The following RAD50 variants were observed in gnomAD, a reference collection of about 807,000 sequenced individuals.
RAD50 encodes RAD50 double strand break repair protein.
RAD50 carries 132 observed loss-of-function variants against 168.8 expected under a neutral mutation model. The ratio of observed to expected loss-of-function variants is 0.78; its 90% CI spans 0.68 to 0.90. The LOEUF (loss-of-function observed/expected upper bound fraction) is 0.90, where lower values mean the gene tolerates loss of function less well. Among genes scored for constraint, RAD50 ranks in the 40% least tolerant of loss-of-function variants. The probability of loss-of-function intolerance (pLI) is 0.00; values close to 1 mark genes in which losing one functional copy is unlikely to be tolerated. For synonymous variants in RAD50, 525 were observed against 497.4 expected, an observed-to-expected ratio of 1.06 and a Z score of -0.74; for missense variants, 1,347 against 1,534.4, an observed-to-expected ratio of 0.88 and a Z score of 2.04.
intron 21 of RAD50, among the ~76,000 whole-genome samples, chr5:132,621,417 C>A (rs1043971714): frequency 3.9e-5 from 6 of 152,186 alleles, no homozygotes; most frequent in Admixed American, 6.5e-5. Context: ...GTTTTTAAAT[C>A]ATCACAAATG....
chr5:132,601,819 C>A (rs1750893602), intron 13 of RAD50, among the ~76,000 whole-genome samples: 1 of 152,118 alleles, frequency 6.6e-6, no homozygotes, highest in African/African-American at 2.4e-5. Context: ...GAGTTCATGT[C>A]CCTTGCAGGG....
chr5:132,622,331 G>A (rs1490482121), intron 21 of RAD50, among the ~76,000 whole-genome samples: 1 of 151,812 alleles, frequency 6.6e-6, no homozygotes, highest in Admixed American at 6.6e-5. Flanking sequence ...GCTAATTTTT[G>A]TATTTTTATT....
At chr5:132,557,579 G>A (rs1047709458) in intron 1 of RAD50, 126 bp downstream of exon 1, 85 of 1,379,206 alleles carry the variant, frequency 6.2e-5, no homozygotes, top group Non-Finnish European at 2.9e-5. Flanking sequence ...GGCCCTTAAA[G>A]TGCCTTAGGG....
chr5:132,641,430 CCAGACAGTCCCTTTCTGG>C (rs2149866326), intron 24 of RAD50, among the ~76,000 whole-genome samples: 4 of 152,266 alleles, frequency 2.6e-5, no homozygotes, highest in Non-Finnish European at 5.9e-5. Context: ...ACTCCTGGCT[CCAGACAGTCCCTTTCTGG>C]CAGAGAGGGC....
At chr5:132,585,088 T>TA (rs1292947311) in intron 5 of RAD50, among the ~76,000 whole-genome samples, 2 of 152,210 alleles carry the variant, frequency 1.3e-5, no homozygotes, top group Middle Eastern at 3.2e-3. Context: ...CCCTCGAACT[T>TA]AAAGTATAAT....
chr5:132,596,548 A>G (rs1750795188), intron 13 of RAD50, among the ~76,000 whole-genome samples: 1 of 152,198 alleles, frequency 6.6e-6, no homozygotes, highest in African/African-American at 2.4e-5. Context: ...TCGGTTGTTT[A>G]TATTTTCCAT....
intron 21 of RAD50, among the ~76,000 whole-genome samples, chr5:132,631,448 G>T (rs142140636): frequency 6.7e-4 from 102 of 152,176 alleles, no homozygotes; most frequent in Non-Finnish European, 1.3e-3. Flanking sequence ...TTTTCACAAA[G>T]AAATCATACT....
chr5:132,587,874 A>G (rs1188702829), intron 6 of RAD50, 50 bp from the exon 7 acceptor site: 9 of 1,584,152 alleles, frequency 5.7e-6, no homozygotes, highest in Admixed American at 3.3e-5. Context: ...CAAAGTGATC[A>G]TATTTTCTTA....
At chr5:132,571,792 G>A (rs780959932) in intron 2 of RAD50, among the ~76,000 whole-genome samples, 9 of 152,206 alleles carry the variant, frequency 5.9e-5, no homozygotes, top group Non-Finnish European at 1.2e-4. Flanking sequence ...TGTCTGATGA[G>A]ATGCAGTAAA....
rs1203160075 is a variant in RAD50 at position 132,594,953 on chromosome 5, A to G, written c.1878A>G (p.Glu626=). ...AGGAAGAGCAGTTGTCCAGTTACGA[A>G]GACAAGCTGTTTGATGTTTGTGGTA... ...KRKEEQLSSY[E]DKLFDVCGSQ... is the part of the protein sequence containing the mutation. The change falls in exon 12 of 25, where the codon GAA becomes GAG. Residue 626 remains glutamate (E), a synonymous_variant. Transcript: ENST00000378823. The G allele has an allele frequency of 1.9e-6, 3 of 1,611,452 alleles. No homozygotes were observed.
chr5:132,570,097 G>A (rs1274849601), intron 2 of RAD50, among the ~76,000 whole-genome samples: 10 of 152,148 alleles, frequency 6.6e-5, no homozygotes, highest in Non-Finnish European at 1.3e-4. Flanking sequence ...GTCTTTCGTG[G>A]TAAAAACCCT....
intron 9 of RAD50, among the ~76,000 whole-genome samples, 162 bp from the exon 10 acceptor site, chr5:132,591,062 C>G (rs1175084885): frequency 6.6e-6 from 1 of 152,034 alleles, no homozygotes; most frequent in African/African-American, 2.4e-5. Flanking sequence ...TAAGATATAC[C>G]TTAGAGCATA....
In RAD50 at chr5:132,626,746, G is replaced by C. The variant is rs1581013953; in HGVS notation, c.3389+8452G>C. The stretch of plus-strand genomic sequence containing the variant: ...CGATTTAATTATTGTATCTAACTCT[G>C]TTTTAAAGGGCAAGTATTTATCAGA... On this transcript the variant is annotated intron_variant, in intron 21 of 24. Coordinates refer to ENST00000378823, the MANE Select transcript of RAD50 (RefSeq NM_005732.4). Among the ~76,000 whole-genome samples the C allele has an allele frequency of 3.8e-5, 4 of 104,138 alleles. No individual in the cohort carries two copies. In the South Asian group the frequency reaches 1.4e-3, roughly 36 times the overall value. The allele number at this position is 104,138 out of a possible 152,430, so 68.3% of individuals were successfully genotyped here.
At position 132,557,338 on chromosome 5, in the gene RAD50, A is replaced by G. The variant is rs1750018807; in HGVS notation, c.14A>G (p.Glu5Gly). Reference sequence around the variant, plus strand: ...ACGTTTGCAAACATGTCCCGGATCGAAAAGATGAGCATTCTGGGCGTGCGG... The same window carrying G: ...ACGTTTGCAAACATGTCCCGGATCGGAAAGATGAGCATTCTGGGCGTGCGG... MSRI[E>G]KMSILGVRSF... Residue 5 changes from glutamate to glycine, a missense_variant, in exon 1 of 25, where the codon GAA becomes GGA. Glu to Gly is a moderately conservative substitution (Grantham distance 98). Transcript: ENST00000378823. 1.2e-6 allele frequency: 2 copies of G among 1,614,196 alleles called. No homozygotes were observed. Among genetic ancestry groups the G allele is most frequent in the Non-Finnish European group, 1.7e-6 (2 of 1,179,994 alleles).
At chr5:132,621,110 A>G (rs1751276877) in intron 21 of RAD50, among the ~76,000 whole-genome samples, 1 of 152,172 alleles carries the variant, frequency 6.6e-6, no homozygotes, top group Non-Finnish European at 1.5e-5. Flanking sequence ...TAATTTTTAA[A>G]TACTTATTTG....
At position 132,646,110 on chromosome 5, in the gene RAD50, A is replaced by AAAAAT. The variant is rs1751844560; in HGVS notation, c.*3749_*3750insATAAA. 6.6e-6 allele frequency: 1 copy of AAAAAT among 151,312 alleles called. No homozygotes were observed. Among genetic ancestry groups the AAAAAT allele is most frequent in the Non-Finnish European group, 1.5e-5 (1 of 67,996 alleles). The allele number at this position is 151,312 out of a possible 1,614,324, so 9.4% of individuals were successfully genotyped here. A position where few individuals can be genotyped will look rare whatever the true frequency, so the allele number is the denominator to read the frequency against. On this transcript the variant is annotated 3_prime_UTR_variant, in exon 25 of 25. Transcript: ENST00000378823. The stretch of plus-strand genomic sequence containing the variant: ...AAAAAGACAAAAAAAAAAAAAAAAA[A>AAAAAT]AAAGCAGCAGCAGCTGAAAGTTGGC...
rs185379655 is a variant in RAD50 at position 132,637,392 on chromosome 5, A to G, written c.3475+192A>G. Among the ~76,000 whole-genome samples the G allele has an allele frequency of 2.2e-4, 33 of 152,310 alleles. No individual in the cohort carries two copies. In the South Asian group the frequency reaches 2.9e-3, roughly 13 times the overall value. On this transcript the variant is annotated intron_variant, in intron 22 of 24. Coordinates refer to ENST00000378823, the MANE Select transcript of RAD50 (RefSeq NM_005732.4). Reference sequence around the variant, plus strand: ...GTAAAGTTTTCTGTTCCAGAGCCTAACAGGACTTACATATTTGACTGCAGT... The same window carrying G: ...GTAAAGTTTTCTGTTCCAGAGCCTAGCAGGACTTACATATTTGACTGCAGT...
Position 132,559,344 on chromosome 5 carries a change from A to C in RAD50, c.190A>C (p.Asn64His), listed in dbSNP as rs773773224. 6.2e-7 allele frequency: 1 copy of C among 1,608,880 alleles called. No individual in the cohort carries two copies. The highest frequency in any genetic ancestry group is 1.3e-5 in the African/African-American group (1 of 74,860). Residue 64 changes from asparagine to histidine, a missense_variant, in exon 2 of 25, where the codon AAT becomes CAT. By Grantham distance (68) the Asn-to-His change is moderately conservative. Around this residue, in one of 3 missense-constraint regions of RAD50, gnomAD observed 703 missense variants for 767.7 expected, o/e 0.92. Transcript: ENST00000378823. ...AGATTTCCCTCCTGGAACCAAAGGAAATACATTTGTACACGATCCCAAGGT... is the reference window on the plus strand; with the variant it reads ...AGATTTCCCTCCTGGAACCAAAGGACATACATTTGTACACGATCCCAAGGT... Reference protein sequence around the residue: ...TGDFPPGTKGNTFVHDPKVAQ... With the variant: ...TGDFPPGTKGHTFVHDPKVAQ...
At chr5:132,597,061 G>A (rs17622991) in intron 13 of RAD50, among the ~76,000 whole-genome samples, 31,765 of 152,066 alleles carry the variant, frequency 0.21, 3,377 homozygotes, top group South Asian at 0.23. Flanking sequence ...TCTGATAGGT[G>A]ATGAGGAGCC....
Sources: allele counts gnomAD v4.1 joint callset (sites outside exome capture counted in the v4.1 genomes callset), GRCh38; gene constraint gnomAD v4.1.1; regional missense constraint gnomAD v4.1.1; transcripts MANE v1.5; gene names NCBI Gene and HGNC (gene_info 2026-07-23, HGNC 2026-07-21).